The following TMEM65 variants were observed in gnomAD, a reference collection of about 807,000 sequenced individuals.
The protein encoded by TMEM65 is transmembrane protein 65.
TMEM65 carries 22 observed loss-of-function variants against 25.4 expected under a neutral mutation model. That is an observed-to-expected ratio of 0.86 (90% confidence interval 0.62 to 1.23). The LOEUF is 1.23. TMEM65 is among the 50% of genes most tolerant of loss of function. The pLI, the probability that TMEM65 is intolerant of heterozygous loss-of-function variation, is 0.00. For missense variants in TMEM65, 262 were observed against 308.2 expected (o/e 0.85, Z 1.12); for synonymous variants, 132 against 126.2 (o/e 1.05, Z -0.31).
intron 1 of TMEM65, among the ~76,000 whole-genome samples, chr8:124,349,946 G>A (rs1281839988): frequency 2.6e-5 from 4 of 151,850 alleles, no homozygotes; most frequent in Non-Finnish European, 5.9e-5. Flanking sequence ...AAGTATTTGA[G>A]GGCTAATTAA....
Position 124,340,885 on chromosome 8 carries a change from T to C in TMEM65, c.305-10093A>G, listed in dbSNP as rs545853255. On this transcript the variant is annotated intron_variant, in intron 1 of 6. Coordinates refer to ENST00000297632, the MANE Select transcript of TMEM65 (RefSeq NM_194291.3). ...TTCTACAGTTTCTTATTACAGAGACTAAAGATACTTGGGGCCATTAGTAAA... is the reference window on the plus strand; with the variant it reads ...TTCTACAGTTTCTTATTACAGAGACCAAAGATACTTGGGGCCATTAGTAAA... Among the ~76,000 whole-genome samples the C allele has an allele frequency of 2.0e-5, 3 of 152,230 alleles. No homozygotes were observed. The East Asian group carries it at 5.8e-4, about 29-fold the overall frequency.
intron 1 of TMEM65, among the ~76,000 whole-genome samples, chr8:124,363,857 A>C (rs983893251): frequency 6.6e-6 from 1 of 150,588 alleles, no homozygotes; most frequent in Non-Finnish European, 1.5e-5. Flanking sequence ...AAAAAAAAAA[A>C]AAAAAAAAAA....
At chr8:124,325,017 TA>T in intron 3 of TMEM65, among the ~76,000 whole-genome samples, 1 of 152,036 alleles carries the variant, frequency 6.6e-6, no homozygotes, top group East Asian at 1.9e-4. Context: ...TCCAATAATA[TA>T]AAAATATTTT....
chr8:124,332,064 GA>G (rs1814439357), intron 1 of TMEM65, among the ~76,000 whole-genome samples: 1 of 151,962 alleles, frequency 6.6e-6, no homozygotes, highest in Non-Finnish European at 1.5e-5. Flanking sequence ...GAAGAATTAA[GA>G]AATGAAGATA....
At chr8:124,361,644 C>T (rs1022558197) in intron 1 of TMEM65, among the ~76,000 whole-genome samples, 1 of 151,332 alleles carries the variant, frequency 6.6e-6, no homozygotes, top group African/African-American at 2.4e-5. Context: ...ACCAGTCTGG[C>T]CAACAAGGTG....
At chr8:124,321,049 T>A (rs1814298408) in intron 5 of TMEM65, among the ~76,000 whole-genome samples, 1 of 152,190 alleles carries the variant, frequency 6.6e-6, no homozygotes, top group African/African-American at 2.4e-5. Flanking sequence ...ACTGTAATAT[T>A]CTCATTATTT....
intron 1 of TMEM65, among the ~76,000 whole-genome samples, chr8:124,345,277 T>C (rs2131215549): frequency 6.6e-6 from 1 of 152,342 alleles, no homozygotes. Flanking sequence ...TGTCTATAAA[T>C]ACTGCCTGCC....
intron 1 of TMEM65, among the ~76,000 whole-genome samples, chr8:124,348,556 A>G (rs1237242682): frequency 6.6e-6 from 1 of 152,214 alleles, no homozygotes; most frequent in Admixed American, 6.5e-5. Context: ...AGTTTAAAAA[A>G]TCATATAGCT....
At position 124,323,368 on chromosome 8, in the gene TMEM65, T is replaced by C. The variant is rs781601480; in HGVS notation, c.425A>G (p.His142Arg). 8 of 1,510,046 alleles carry C rather than the reference T, an allele frequency of 5.3e-6. No homozygotes were observed. Among genetic ancestry groups the C allele is most frequent in the South Asian group, 2.4e-5 (2 of 82,782 alleles). 93.5% of individuals were successfully genotyped at this position (1,510,046 alleles called of 1,614,324 possible). A position where few individuals can be genotyped will look rare whatever the true frequency, so the allele number is the denominator to read the frequency against. Residue 142 changes from histidine to arginine, a missense_variant, in exon 4 of 7, where the codon CAT (histidine) becomes CGT (arginine). Coordinates refer to ENST00000297632, the MANE Select transcript of TMEM65 (RefSeq NM_194291.3). ...AATAATTCCAATAGACATTTCAATA[T>C]GGGTTCCCTGAAATATGATAAAAAA... ...DNAIMIVAGT[H>R]IEMSIGIILG...
intron 4 of TMEM65, among the ~76,000 whole-genome samples, chr8:124,323,061 T>A (rs1814325035): frequency 2.6e-5 from 4 of 152,158 alleles, no homozygotes; most frequent in Admixed American, 2.6e-4. Flanking sequence ...GGGGTAACAC[T>A]GAATTGCCAG....
intron 2 of TMEM65, among the ~76,000 whole-genome samples, chr8:124,329,971 C>A (rs1056863238): frequency 1.3e-5 from 2 of 151,738 alleles, no homozygotes; most frequent in African/African-American, 2.4e-5. Flanking sequence ...TTACATTCTA[C>A]CTGTCAGAGA....
intron 1 of TMEM65, among the ~76,000 whole-genome samples, chr8:124,368,130 AC>A (rs1264323530): frequency 6.6e-6 from 1 of 151,468 alleles, no homozygotes; most frequent in East Asian, 1.9e-4. Context: ...TCAAAGATGT[AC>A]CCCCGATGAT....
chr8:124,313,941 T>C lies in TMEM65; in HGVS notation c.*19A>G, dbSNP rs779166534. The C allele has an allele frequency of 3.2e-6, 5 of 1,541,954 alleles. No individual in the cohort carries two copies. Among genetic ancestry groups the C allele is most frequent in the Non-Finnish European group, 2.7e-6 (3 of 1,117,330 alleles). ...TGAGGTACATTAGTTTACATCTTTT[T>C]ATAGGTATTCTAAGAGGATTAACTT... On this transcript the variant is annotated 3_prime_UTR_variant, in exon 7 of 7. Coordinates refer to ENST00000297632, the MANE Select transcript of TMEM65 (RefSeq NM_194291.3).
chr8:124,328,326 C>T (rs1814392570), intron 2 of TMEM65, among the ~76,000 whole-genome samples: 1 of 151,708 alleles, frequency 6.6e-6, no homozygotes, highest in South Asian at 2.1e-4. Context: ...ATCACTTGAA[C>T]CCAGGCAGCA....
At chr8:124,350,887 G>C (rs1303108742) in intron 1 of TMEM65, 1 of 540,792 alleles carries the variant, frequency 1.8e-6, no homozygotes, top group African/African-American at 2.1e-5. Flanking sequence ...CCTTCAGTTA[G>C]TTGAGCATGC....
chr8:124,369,937 G>C (rs956487979), intron 1 of TMEM65, among the ~76,000 whole-genome samples: 2 of 149,350 alleles, frequency 1.3e-5, no homozygotes, highest in African/African-American at 4.8e-5. Flanking sequence ...CATATAAAGA[G>C]GAGAGATAAG....
chr8:124,316,258 T>C lies in TMEM65; in HGVS notation c.622-2197A>G, dbSNP rs371767559. ...CTCTAGGCCCCATAGTTAACTACAC[T>C]GGGGCTAATTGTAGAACTTGAGTCC... On this transcript the variant is annotated intron_variant, in intron 6 of 6. Transcript: ENST00000297632. 2.6e-4 allele frequency among the ~76,000 whole-genome samples: 39 copies of C among 152,340 alleles called. No individual in the cohort carries two copies. In the East Asian group the frequency reaches 7.1e-3, roughly 28 times the overall value.
chr8:124,322,994 CTAAA>C (rs199541134), intron 4 of TMEM65, among the ~76,000 whole-genome samples: 4,937 of 149,796 alleles, frequency 0.033, 163 homozygotes, highest in African/African-American at 0.084. Context: ...GACCCCGTCT[CTAAA>C]TAAATAAATA....
chr8:124,327,394 A>G lies in TMEM65; in HGVS notation c.377T>C (p.Ile126Thr). ...YVFIHNAIPF[I>T]GFGFLDNAIM... ...TGCATTATCCAAAAAGCCAAACCCT[A>G]TGAAAGGTATCGCATTGTGGATGAA... The change falls in exon 3 of 7, where the codon ATA becomes ACA. Residue 126 changes from isoleucine (I) to threonine (T), a missense_variant. By Grantham distance (89) the Ile-to-Thr change is moderately conservative. Coordinates refer to ENST00000297632, the MANE Select transcript of TMEM65 (RefSeq NM_194291.3). 6.2e-7 allele frequency: 1 copy of G among 1,602,628 alleles called. No individual in the cohort carries two copies. The highest frequency in any genetic ancestry group is 8.5e-7 in the Non-Finnish European group (1 of 1,175,156).
Sources: allele counts gnomAD v4.1 joint callset (sites outside exome capture counted in the v4.1 genomes callset), GRCh38; gene constraint gnomAD v4.1.1; transcripts MANE v1.5; gene names NCBI Gene and HGNC (gene_info 2026-07-23, HGNC 2026-07-21).